NLGN1: variants seen among roughly 807,000 people sequenced by gnomAD.
NLGN1 encodes neuroligin-1.
NLGN1 carries 12 observed loss-of-function variants against 65.5 expected under a neutral mutation model. The ratio of observed to expected loss-of-function variants is 0.18; its 90% confidence interval spans 0.12 to 0.30. The LOEUF (loss-of-function observed/expected upper bound fraction) is 0.30. NLGN1 is among the 10% of genes least tolerant of loss of function. The pLI, the probability that NLGN1 is intolerant of heterozygous loss-of-function variation, is 1.00. For synonymous variants in NLGN1, 350 were observed against 359.5 expected, an observed-to-expected ratio of 0.97 and a Z score of 0.30; for missense variants, 750 against 1,007.1, an observed-to-expected ratio of 0.74 and a Z score of 3.46.
chr3:173,899,073 G>C (rs1736857234), intron 4 of NLGN1, among the ~76,000 whole-genome samples: 1 of 152,046 alleles, frequency 6.6e-6, no homozygotes, highest in African/African-American at 2.4e-5. Context: ...TACATCTCTG[G>C]ATCTTTTAGA....
At chr3:174,173,515 T>G (rs1329783752) in intron 4 of NLGN1, among the ~76,000 whole-genome samples, 1 of 152,048 alleles carries the variant, frequency 6.6e-6, no homozygotes, top group Non-Finnish European at 1.5e-5. Flanking sequence ...TTTTGAGGAT[T>G]TTTTTATTAT....
rs781389101 is a variant in NLGN1, at chr3:174,279,566, A to T, written c.1565A>T (p.Glu522Val). Residue 522 changes from glutamate (E) to valine (V), a missense_variant, in exon 6 of 7, where the codon GAG becomes GTG. By Grantham distance (121) the Glu-to-Val change is moderately radical. Transcript: ENST00000457714. The surrounding 1 kb of genome is among the most constrained non-coding windows in gnomAD (Gnocchi z 4.7). ...GGAATCCCCATGATTGGCCCTACAG[A>T]GTTATTTCCTTGCAATTTCTCCAAA... 5 of 1,613,100 alleles carry T rather than the reference A, an allele frequency of 3.1e-6. No individual in the cohort carries two copies. In the South Asian group the frequency reaches 5.5e-5, roughly 18 times the overall value.
chr3:173,874,396 T>C (rs1051601498), intron 4 of NLGN1, among the ~76,000 whole-genome samples: 10 of 152,236 alleles, frequency 6.6e-5, no homozygotes, highest in African/African-American at 9.6e-5. Context: ...ACCAACCTTA[T>C]GTAAATACAG....
At chr3:173,484,995 C>CT (rs1727927587) in intron 2 of NLGN1, among the ~76,000 whole-genome samples, 1 of 151,508 alleles carries the variant, frequency 6.6e-6, no homozygotes, top group Non-Finnish European at 1.5e-5. Flanking sequence ...TTACTCAAGA[C>CT]TGAGCAATTT....
chr3:173,548,091 A>G (rs564672079), intron 2 of NLGN1, among the ~76,000 whole-genome samples: 14 of 152,122 alleles, frequency 9.2e-5, no homozygotes, highest in Non-Finnish European at 1.5e-4. Context: ...CAAAAAGTTC[A>G]TTGAGATTGT....
chr3:174,270,319 A>G (rs185695246), intron 4 of NLGN1, among the ~76,000 whole-genome samples: 110 of 151,126 alleles, frequency 7.3e-4, no homozygotes, highest in Admixed American at 2.0e-3. Flanking sequence ...GTTAATTTTT[A>G]TATGGTGTAT....
intron 3 of NLGN1, among the ~76,000 whole-genome samples, chr3:173,719,586 T>C (rs1294185372): frequency 6.6e-6 from 1 of 151,912 alleles, no homozygotes; most frequent in Non-Finnish European, 1.5e-5. Flanking sequence ...AGGGCACTGT[T>C]AAAAAGATTT....
upstream of NLGN1, chr3:173,397,969 A>G (rs983155209): frequency 6.6e-6 from 1 of 152,296 alleles, no homozygotes; most frequent in African/African-American, 2.4e-5. Flanking sequence ...AGTCGCCTCC[A>G]AAGCCTTAGA....
At chr3:174,058,888 A>G (rs1580059949) in intron 4 of NLGN1, among the ~76,000 whole-genome samples, 2 of 152,146 alleles carry the variant, frequency 1.3e-5, no homozygotes, top group African/African-American at 4.8e-5. Context: ...CTGTTGCCAA[A>G]GGTTCAGCAT....
intron 4 of NLGN1, among the ~76,000 whole-genome samples, chr3:174,088,241 A>G (rs1156863616): frequency 6.6e-6 from 1 of 152,152 alleles, no homozygotes; most frequent in Non-Finnish European, 1.5e-5. Context: ...AGGTTCAGAT[A>G]CTTTACGAGA....
At chr3:174,173,027 A>C (rs1187790859) in intron 4 of NLGN1, among the ~76,000 whole-genome samples, 2 of 151,398 alleles carry the variant, frequency 1.3e-5, no homozygotes, top group Non-Finnish European at 2.9e-5. Flanking sequence ...TATTGTAGAG[A>C]TCTATCACTT....
Position 173,881,089 on chromosome 3 carries a change from CT to C in NLGN1, c.646+73282del, listed in dbSNP as rs928288845. Among the ~76,000 whole-genome samples the C allele has an allele frequency of 5.6e-3, 602 of 108,232 alleles. 1 individual carries two copies. Among genetic ancestry groups the C allele is most frequent in the African/African-American group, 0.014 (391 of 27,678 alleles). 71.0% of individuals were successfully genotyped at this position (108,232 alleles called of 152,430 possible). A position where few individuals can be genotyped will look rare whatever the true frequency, so the allele number is the denominator to read the frequency against. Reference sequence around the variant, plus strand: ...TTTAGTCACATCTTCAGGCTCCCTCCTTTTTTTTTTTTTTTTTTTTTTTTTG... The same window carrying C: ...TTTAGTCACATCTTCAGGCTCCCTCCTTTTTTTTTTTTTTTTTTTTTTTTG... On this transcript the variant is annotated intron_variant, in intron 4 of 6. Coordinates refer to ENST00000457714, the Ensembl canonical transcript of NLGN1.
intron 4 of NLGN1, among the ~76,000 whole-genome samples, chr3:173,870,455 C>T (rs1730961539): frequency 6.6e-6 from 1 of 152,094 alleles, no homozygotes; most frequent in Admixed American, 6.5e-5. Flanking sequence ...GGCCTGGAAG[C>T]TGGTTTTAGA....
At chr3:173,444,405 G>A (rs887033754) in intron 2 of NLGN1, among the ~76,000 whole-genome samples, 24 of 152,048 alleles carry the variant, frequency 1.6e-4, no homozygotes, top group Non-Finnish European at 5.9e-5. Flanking sequence ...ATGAGCACGG[G>A]TGTGATTTCA....
chr3:173,762,119 C>T (rs1778049360), intron 3 of NLGN1, among the ~76,000 whole-genome samples: 1 of 151,952 alleles, frequency 6.6e-6, no homozygotes, highest in African/African-American at 2.4e-5. Context: ...AGGAATAAGC[C>T]AAAGGTAGCT....
rs540802131 is a variant in NLGN1, at chr3:173,547,349, C to G, written c.-320-56930C>G. 5.9e-5 allele frequency among the ~76,000 whole-genome samples: 9 copies of G among 152,208 alleles called. No homozygotes were observed. In the South Asian group the frequency reaches 1.9e-3, roughly 32 times the overall value. On this transcript the variant is annotated intron_variant, in intron 2 of 6. Coordinates refer to ENST00000457714, the Ensembl canonical transcript of NLGN1. ...TTCATCCTAATTAGTTCCACAGGTG[C>G]CTTTCCTTTAAAAAGGAAATAGTTT...
At chr3:173,878,102 T>G (rs1484972878) in intron 4 of NLGN1, among the ~76,000 whole-genome samples, 2 of 152,010 alleles carry the variant, frequency 1.3e-5, no homozygotes, top group Non-Finnish European at 2.9e-5. Flanking sequence ...AGTGCAATGG[T>G]GCAATCTCAG....
At chr3:174,125,058 T>C (rs953477728) in intron 4 of NLGN1, among the ~76,000 whole-genome samples, 2 of 152,086 alleles carry the variant, frequency 1.3e-5, no homozygotes, top group Non-Finnish European at 2.9e-5. Context: ...GTTGGAGGAA[T>C]ATTCAAGTGC....
At chr3:173,605,378 T>G (rs1265008049) in intron 3 of NLGN1, among the ~76,000 whole-genome samples, 156 bp from the exon 3 acceptor site, 1 of 152,084 alleles carries the variant, frequency 6.6e-6, no homozygotes. Context: ...AGAAGATGCA[T>G]CAACATTTCC....
Sources: allele counts gnomAD v4.1 joint callset (sites outside exome capture counted in the v4.1 genomes callset), GRCh38; gene constraint gnomAD v4.1.1; non-coding constraint Gnocchi (gnomAD v3.1); transcripts MANE v1.5; gene names NCBI Gene and HGNC (gene_info 2026-07-23, HGNC 2026-07-21).